CLPB: variants seen among roughly 807,000 people sequenced by gnomAD.
CLPB encodes ClpB family mitochondrial disaggregase, also known as mitochondrial disaggregase.
In CLPB, 40 loss-of-function variants were observed where a neutral mutation model predicts 78.4. The observed-to-expected ratio is 0.51, with a 90% CI of 0.40 to 0.66. CLPB has a LOEUF of 0.66. Ranked by LOEUF, CLPB falls within the 30% of genes least tolerant of loss-of-function variation. CLPB has a pLI of 0.00. For missense variants in CLPB, 780 were observed against 886.9 expected (o/e 0.88, Z 1.53); for synonymous variants, 333 against 348.0 (o/e 0.96, Z 0.48).
At chr11:72,319,395 T>C (rs1385065014) in intron 6 of CLPB, among the ~76,000 whole-genome samples, 1 of 152,256 alleles carries the variant, frequency 6.6e-6, no homozygotes, top group Non-Finnish European at 1.5e-5. Flanking sequence ...CTACCGTTTG[T>C]GGAATGGCTG....
chr11:72,298,822 C>T (rs1199288032), intron 11 of CLPB, among the ~76,000 whole-genome samples: 1 of 152,160 alleles, frequency 6.6e-6, no homozygotes, highest in Non-Finnish European at 1.5e-5. Context: ...ACTTCTCTGG[C>T]GAGTCTGTCT....
At chr11:72,393,130 G>C (rs1444305566) in intron 3 of CLPB, among the ~76,000 whole-genome samples, 2 of 152,156 alleles carry the variant, frequency 1.3e-5, no homozygotes, top group African/African-American at 4.8e-5. Context: ...ACCCACAACA[G>C]GGTTTCCAAG....
In CLPB at chr11:72,331,336, G is replaced by A. The variant is rs371130256; in HGVS notation, c.776-1532C>T. Among the ~76,000 whole-genome samples the A allele has an allele frequency of 7.8e-4, 118 of 151,498 alleles. 2 individuals are homozygous for A. The South Asian group carries it at 0.021, about 27-fold the overall frequency. On this transcript the variant is annotated intron_variant, in intron 5 of 15. Coordinates refer to ENST00000538039, the MANE Select transcript of CLPB (RefSeq NM_001258392.3). ...GGAAAATAGTGTGAACCCGGGAGGC[G>A]GAGCTTGCAGTGAGCAGAGATCGCG...
Position 72,328,412 on chromosome 11 carries a change from T to C in CLPB, c.873+1295A>G, listed in dbSNP as rs545691763. ...CCTGACTGATCCATAGACAATCATA[T>C]GTTGCCTAGAACATTAGAAACCATT... On this transcript the variant is annotated intron_variant, in intron 6 of 15. Coordinates refer to ENST00000538039, the MANE Select transcript of CLPB (RefSeq NM_001258392.3). Among the ~76,000 whole-genome samples the C allele has an allele frequency of 3.4e-4, 52 of 152,368 alleles. 1 individual carries two copies. Among genetic ancestry groups the C allele is most frequent in the South Asian group, 1.4e-3 (7 of 4,828 alleles).
chr11:72,333,851 C>G (rs1407154910), intron 5 of CLPB, among the ~76,000 whole-genome samples: 1 of 152,140 alleles, frequency 6.6e-6, no homozygotes, highest in Non-Finnish European at 1.5e-5. Context: ...CCCCTCCCCG[C>G]AGAGCTAAAC....
chr11:72,411,588 A>G (rs1400029589), intron 2 of CLPB, among the ~76,000 whole-genome samples: 1 of 152,238 alleles, frequency 6.6e-6, no homozygotes, highest in East Asian at 1.9e-4. Flanking sequence ...TGCACTCAGC[A>G]AGACTTCCAA....
At chr11:72,346,134 A>T (rs17162126) in intron 5 of CLPB, among the ~76,000 whole-genome samples, 28,689 of 152,056 alleles carry the variant, frequency 0.19, 4,521 homozygotes, top group African/African-American at 0.44. Context: ...ATTACTAACA[A>T]ATGTAGGTGC....
chr11:72,309,088 G>T (rs1949797075), intron 7 of CLPB, among the ~76,000 whole-genome samples: 1 of 152,144 alleles, frequency 6.6e-6, no homozygotes, highest in Non-Finnish European at 1.5e-5. Flanking sequence ...GGAAGCTAAG[G>T]TCTGGTCCAC....
At chr11:72,377,713 G>C (rs1159210581) in intron 4 of CLPB, among the ~76,000 whole-genome samples, 1 of 151,914 alleles carries the variant, frequency 6.6e-6, no homozygotes, top group African/African-American at 2.4e-5. Context: ...GGGAAGGAAG[G>C]AAGGAAAAAC....
In CLPB at chr11:72,293,633, A is replaced by C; in HGVS notation, c.1786-18T>G. The C allele has an allele frequency of 6.2e-7, 1 of 1,603,900 alleles. No homozygotes were observed. Among genetic ancestry groups the C allele is most frequent in the South Asian group, 1.1e-5 (1 of 90,414 alleles). On this transcript the variant is annotated intron_variant, in intron 15 of 15. Coordinates refer to ENST00000538039, the MANE Select transcript of CLPB (RefSeq NM_001258392.3). ...CGTTCTACCTGTCGGTGGGGAGGTG[A>C]AGTGGTCACTCCCTCGGCCTGGACC...
rs71062765 is a variant in CLPB at position 72,331,570 on chromosome 11, G to GT, written c.776-1767dup. The stretch of plus-strand genomic sequence containing the variant: ...GTCTCTACTTCTTCTTTTCTTTTCT[G>GT]TTTTTTTTTTTTTTTTTTTTTTGAG... On this transcript the variant is annotated intron_variant, in intron 5 of 15. Transcript: ENST00000538039. 8.2e-3 allele frequency among the ~76,000 whole-genome samples: 405 copies of GT among 49,352 alleles called. 11 individuals are homozygous for GT. Among genetic ancestry groups the GT allele is most frequent in the African/African-American group, 0.021 (252 of 12,134 alleles). 32.4% of individuals were successfully genotyped at this position (49,352 alleles called of 152,430 possible).
chr11:72,295,613 A>G lies in CLPB; in HGVS notation c.1365T>C (p.Asp455=). The change falls in exon 12 of 16, where the codon GAT becomes GAC. Residue 455 remains aspartate, a synonymous_variant. Transcript: ENST00000538039. ...TCATGATGAAGATGGCGTCCTTGCA[A>G]TCAATGGTCTTCCCTTTTCCATCTG... is the stretch of plus-strand genomic sequence containing the variant. The part of the protein sequence containing the change: ...RLTDGKGKTI[D]CKDAIFIMTS... The G allele has an allele frequency of 1.2e-6, 2 of 1,614,100 alleles. No individual in the cohort carries two copies. Among genetic ancestry groups the G allele is most frequent in the Non-Finnish European group, 1.7e-6 (2 of 1,179,996 alleles).
intron 2 of CLPB, among the ~76,000 whole-genome samples, chr11:72,426,722 G>A (rs1045054006): frequency 2.8e-4 from 43 of 152,348 alleles, no homozygotes; most frequent in African/African-American, 1.0e-3. Context: ...GTGGAACAGG[G>A]TAAAAGACGG....
At chr11:72,341,872 A>G (rs1359557428) in intron 5 of CLPB, among the ~76,000 whole-genome samples, 2 of 152,240 alleles carry the variant, frequency 1.3e-5, no homozygotes, top group Non-Finnish European at 2.9e-5. Flanking sequence ...TTAAAGCAGG[A>G]AAGTGACATG....
chr11:72,418,954 T>A (rs1856108747), intron 2 of CLPB, among the ~76,000 whole-genome samples: 1 of 152,038 alleles, frequency 6.6e-6, no homozygotes, highest in Non-Finnish European at 1.5e-5. Flanking sequence ...AGAAGGACTT[T>A]GGGCCTAGGG....
intron 4 of CLPB, among the ~76,000 whole-genome samples, chr11:72,374,187 C>T (rs1951098106): frequency 6.6e-6 from 1 of 152,146 alleles, no homozygotes; most frequent in Admixed American, 6.5e-5. Context: ...CTGCTTTACA[C>T]TTTGCCAAAA....
intron 2 of CLPB, among the ~76,000 whole-genome samples, chr11:72,405,977 C>G (rs1265600444): frequency 6.6e-6 from 1 of 151,954 alleles, no homozygotes; most frequent in Non-Finnish European, 1.5e-5. Context: ...CAGCCACCAT[C>G]AATCCACTGA....
rs1428018809 is a variant in CLPB, at chr11:72,290,372, TAAATG to T, written c.*2990_*2994del. The T allele has an allele frequency of 1.3e-5, 2 of 152,030 alleles. No homozygotes were observed. Among genetic ancestry groups the T allele is most frequent in the African/African-American group, 4.8e-5 (2 of 41,392 alleles). The allele number at this position is 152,030 out of a possible 1,614,324, so 9.4% of individuals were successfully genotyped here. The stretch of plus-strand genomic sequence containing the variant: ...ATACTGATATAAATTATCAAATAAA[TAAATG>T]GGGAAAAGGGACAGCTCTTCCTTAT... On this transcript the variant is annotated 3_prime_UTR_variant, in exon 16 of 16. Transcript: ENST00000538039.
chr11:72,419,747 A>G (rs1186893182), intron 2 of CLPB, among the ~76,000 whole-genome samples: 1 of 152,148 alleles, frequency 6.6e-6, no homozygotes, highest in Non-Finnish European at 1.5e-5. Flanking sequence ...TCCAAGCTCA[A>G]GCTTCCTCTG....
Sources: allele counts gnomAD v4.1 joint callset (sites outside exome capture counted in the v4.1 genomes callset), GRCh38; gene constraint gnomAD v4.1.1; transcripts MANE v1.5; gene names NCBI Gene and HGNC (gene_info 2026-07-23, HGNC 2026-07-21).